Variants in SDC2 observed in about 807,000 individuals in gnomAD.
SDC2 encodes syndecan 2, also known as syndecan-2.
In SDC2, 13 loss-of-function variants were observed where a neutral mutation model predicts 22.2. The observed-to-expected ratio is 0.59, with a 90% CI of 0.38 to 0.93. The LOEUF (loss-of-function observed/expected upper bound fraction) is 0.93. SDC2 is among the 40% of genes least tolerant of loss of function. The probability of loss-of-function intolerance (pLI) is 0.00; values close to 1 mark genes in which losing one functional copy is unlikely to be tolerated. For synonymous variants in SDC2, 94 were observed against 92.8 expected (o/e 1.01, Z -0.07); for missense variants, 235 against 246.8 (o/e 0.95, Z 0.32).
At chr8:96,583,370 A>T (rs1347769893) in intron 1 of SDC2, among the ~76,000 whole-genome samples, 1 of 128,732 alleles carries the variant, frequency 7.8e-6, no homozygotes, top group East Asian at 2.1e-4. Context: ...ATTATATATC[A>T]TATATAAAAT....
intron 1 of SDC2, among the ~76,000 whole-genome samples, chr8:96,583,389 CATAT>C (rs755811976): frequency 1.5e-3 from 170 of 116,820 alleles, no homozygotes; most frequent in Middle Eastern, 4.3e-3. Flanking sequence ...ATATATATGA[CATAT>C]GTGTGTGTGT....
chr8:96,494,002 C>G lies in SDC2; in HGVS notation c.-270C>G, dbSNP rs892904362. The G allele has an allele frequency of 1.3e-4, 66 of 522,362 alleles. No homozygotes were observed. The highest frequency in any genetic ancestry group is 9.6e-4 in the Middle Eastern group (2 of 2,086). The allele number at this position is 522,362 out of a possible 1,614,324, so 32.4% of individuals were successfully genotyped here. A position where few individuals can be genotyped will look rare whatever the true frequency, so the allele number is the denominator to read the frequency against. ...AAGAAGAGCTTCAGAGAGCAGCCTT[C>G]CCGGAGCACCAACTCCGTGTCGGGA... On this transcript the variant is annotated 5_prime_UTR_variant, in exon 1 of 5. Coordinates refer to ENST00000302190, the MANE Select transcript of SDC2 (RefSeq NM_002998.4).
chr8:96,581,999 C>T (rs904426952), intron 1 of SDC2, among the ~76,000 whole-genome samples: 13 of 152,214 alleles, frequency 8.5e-5, no homozygotes, highest in Admixed American at 5.9e-4. Flanking sequence ...GTATACTCTG[C>T]GTGAAGCATG....
intron 1 of SDC2, among the ~76,000 whole-genome samples, chr8:96,542,624 G>C (rs1813869624): frequency 6.6e-6 from 1 of 152,090 alleles, no homozygotes; most frequent in African/African-American, 2.4e-5. Context: ...GAGAATGAAA[G>C]GGACAGTTGG....
intron 1 of SDC2, among the ~76,000 whole-genome samples, chr8:96,509,930 C>A (rs2130438493): frequency 6.6e-6 from 1 of 152,072 alleles, no homozygotes; most frequent in African/African-American, 2.4e-5. Context: ...ATACTTTTTT[C>A]TTTTGACTAT....
intron 1 of SDC2, among the ~76,000 whole-genome samples, chr8:96,560,470 A>C (rs1345992719): frequency 1.3e-5 from 2 of 152,220 alleles, no homozygotes; most frequent in Non-Finnish European, 2.9e-5. Context: ...ATTTTATTAA[A>C]TGGTCTCATT....
chr8:96,536,904 T>C (rs1200995405), intron 1 of SDC2, among the ~76,000 whole-genome samples: 1 of 152,190 alleles, frequency 6.6e-6, no homozygotes, highest in Non-Finnish European at 1.5e-5. Flanking sequence ...AACTCTGCAT[T>C]GTTAGGAAGG....
Position 96,602,740 on chromosome 8 carries a change from T to A in SDC2, c.306+212T>A, listed in dbSNP as rs558499917. On this transcript the variant is annotated intron_variant, in intron 3 of 4. Coordinates refer to ENST00000302190, the MANE Select transcript of SDC2 (RefSeq NM_002998.4). ...GGTGTTATAAATGGCTCTTCCTTAC[T>A]CTTTTTGATCATTTTGGCATTTACC... Among the ~76,000 whole-genome samples, 10 of 152,372 alleles carry A rather than the reference T, an allele frequency of 6.6e-5. No individual in the cohort carries two copies. In the South Asian group the frequency reaches 2.1e-3, roughly 32 times the overall value.
chr8:96,526,411 A>G (rs1211257598), intron 1 of SDC2, among the ~76,000 whole-genome samples: 1 of 151,818 alleles, frequency 6.6e-6, no homozygotes, highest in Non-Finnish European at 1.5e-5. Flanking sequence ...GTTATGTGGC[A>G]TATTTCCAGT....
chr8:96,546,506 A>G (rs139411695), intron 1 of SDC2, among the ~76,000 whole-genome samples: 4 of 152,302 alleles, frequency 2.6e-5, no homozygotes, highest in African/African-American at 9.6e-5. Context: ...ATAGAATGAT[A>G]GAAGAGCCCT....
chr8:96,507,830 C>T (rs1016194661), intron 1 of SDC2, among the ~76,000 whole-genome samples: 1 of 152,136 alleles, frequency 6.6e-6, no homozygotes, highest in African/African-American at 2.4e-5. Context: ...TTCCTTTTGC[C>T]AATCTTAGAT....
chr8:96,553,525 G>C (rs920516311), intron 1 of SDC2, among the ~76,000 whole-genome samples: 1 of 151,540 alleles, frequency 6.6e-6, no homozygotes, highest in East Asian at 1.9e-4. Flanking sequence ...AGAGATAAGG[G>C]TAATGGGAAG....
At chr8:96,598,305 G>C (rs1196058170) in intron 2 of SDC2, among the ~76,000 whole-genome samples, 1 of 152,108 alleles carries the variant, frequency 6.6e-6, no homozygotes, top group Non-Finnish European at 1.5e-5. Flanking sequence ...CATACCATAA[G>C]TAAAAGAAAA....
chr8:96,600,082 C>T (rs1218564797), intron 2 of SDC2, among the ~76,000 whole-genome samples: 1 of 152,088 alleles, frequency 6.6e-6, no homozygotes, highest in Admixed American at 6.6e-5. Flanking sequence ...TTGCTTGAGC[C>T]CGCAAGTTTG....
intron 1 of SDC2, among the ~76,000 whole-genome samples, chr8:96,530,648 G>A (rs1043974005): frequency 1.3e-5 from 2 of 152,060 alleles, no homozygotes; most frequent in African/African-American, 2.4e-5. Flanking sequence ...AAAACAAAAC[G>A]AAACAAAAAA....
chr8:96,578,222 T>C (rs1388283775), intron 1 of SDC2, among the ~76,000 whole-genome samples: 1 of 152,220 alleles, frequency 6.6e-6, no homozygotes, highest in Non-Finnish European at 1.5e-5. Context: ...TGTCCAGGCT[T>C]CCAACAGCAG....
intron 3 of SDC2, 46 bp from the exon 4 acceptor site, chr8:96,608,289 C>A (rs1042881549): frequency 6.3e-7 from 1 of 1,576,846 alleles, no homozygotes; most frequent in Non-Finnish European, 8.6e-7. Context: ...TTCTTTCCAA[C>A]ACATTTCCTT....
rs568668166 is a variant in SDC2 at position 96,609,859 on chromosome 8, A to G, written c.*311A>G. 6.4e-5 allele frequency: 12 copies of G among 187,314 alleles called. No homozygotes were observed. Among genetic ancestry groups the G allele is most frequent in the African/African-American group, 2.8e-4 (12 of 42,960 alleles). The allele number at this position is 187,314 out of a possible 1,614,324, so 11.6% of individuals were successfully genotyped here. On this transcript the variant is annotated 3_prime_UTR_variant, in exon 5 of 5. Transcript: ENST00000302190. ...ATGATTGTCTTTTTCCTATGACTCA[A>G]AGATGAAAGCTGTTTCATTTGTGTC...
At chr8:96,513,724 T>C (rs897168863) in intron 1 of SDC2, among the ~76,000 whole-genome samples, 1 of 152,168 alleles carries the variant, frequency 6.6e-6, no homozygotes, top group East Asian at 1.9e-4. Context: ...TCTTACATAC[T>C]TTTGGACAAC....
Sources: allele counts gnomAD v4.1 joint callset (sites outside exome capture counted in the v4.1 genomes callset), GRCh38; gene constraint gnomAD v4.1.1; transcripts MANE v1.5; gene names NCBI Gene and HGNC (gene_info 2026-07-23, HGNC 2026-07-21).